EZH2: variants seen among roughly 807,000 people sequenced by gnomAD.
EZH2 encodes enhancer of zeste 2 polycomb repressive complex 2 subunit.
In EZH2, 18 loss-of-function variants were observed where a neutral mutation model predicts 98.4. That is an observed-to-expected ratio of 0.18 (90% CI 0.13 to 0.27). The LOEUF (loss-of-function observed/expected upper bound fraction) is 0.27, where lower values mean the gene tolerates loss of function less well. Among genes scored for constraint, EZH2 ranks in the 10% least tolerant of loss-of-function variants. The probability of loss-of-function intolerance (pLI) is 1.00; values close to 1 mark genes in which losing one functional copy is unlikely to be tolerated. For missense variants in EZH2, 470 were observed against 935.1 expected, an observed-to-expected ratio of 0.50 and a Z score of 6.49; for synonymous variants, 338 against 312.3, an observed-to-expected ratio of 1.08 and a Z score of -0.87.
chr7:148,855,171 A>C (rs577040623), intron 1 of EZH2, among the ~76,000 whole-genome samples: 1 of 152,230 alleles, frequency 6.6e-6, no homozygotes, highest in Non-Finnish European at 1.5e-5. Context: ...TTGTGTCCAT[A>C]AGGATTATTG....
intron 6 of EZH2, 105 bp from the exon 7 acceptor site, chr7:148,827,371 A>T (rs745673200): frequency 1.7e-5 from 13 of 771,478 alleles, no homozygotes; most frequent in Non-Finnish European, 2.7e-5. Flanking sequence ...TGATTTTCTA[A>T]GAAATCATCT....
At position 148,816,735 on chromosome 7, in the gene EZH2, G is replaced by A; in HGVS notation, c.1454C>T (p.Ala485Val). Reference sequence around the variant, plus strand: ...AGGAGTATCCACATCCTCAGCGGGAGCTGGAGCTATGATGCTAGATTCTTT... The same window carrying A: ...AGGAGTATCCACATCCTCAGCGGGAACTGGAGCTATGATGCTAGATTCTTT... Reference protein sequence around the residue: ...RVKESSIIAPAPAEDVDTPPR... With the variant: ...RVKESSIIAPVPAEDVDTPPR... Residue 485 changes from alanine (A) to valine (V), a missense_variant, in exon 12 of 20, where the codon GCT becomes GTT. Physicochemically the swap from Ala to Val is moderately conservative, Grantham distance 64. Coordinates refer to ENST00000320356, the MANE Select transcript of EZH2 (RefSeq NM_004456.5). 1.9e-6 allele frequency: 3 copies of A among 1,614,164 alleles called. No homozygotes were observed. The highest frequency in any genetic ancestry group is 2.5e-6 in the Non-Finnish European group (3 of 1,179,984).
At chr7:148,860,579 T>C (rs566463763) in intron 1 of EZH2, among the ~76,000 whole-genome samples, 1 of 152,376 alleles carries the variant, frequency 6.6e-6, no homozygotes, top group South Asian at 2.1e-4. Context: ...TTCAGCATTT[T>C]GGTCTCATGA....
At chr7:148,823,638 T>C (rs1231818543) in intron 8 of EZH2, among the ~76,000 whole-genome samples, 2 of 151,522 alleles carry the variant, frequency 1.3e-5, no homozygotes, top group Non-Finnish European at 2.9e-5. Flanking sequence ...GACTTTATTG[T>C]ACACATTTTC....
In EZH2 at chr7:148,833,466, A is replaced by AAAAT. The variant is rs1563257619; in HGVS notation, c.247-717_247-716insATTT. Among the ~76,000 whole-genome samples the AAAAT allele has an allele frequency of 7.0e-3, 223 of 31,886 alleles. 2 individuals carry two copies. The highest frequency in any genetic ancestry group is 0.026 in the Middle Eastern group (1 of 38). The allele number at this position is 31,886 out of a possible 152,430, so 20.9% of individuals were successfully genotyped here. On this transcript the variant is annotated intron_variant, in intron 3 of 19. Coordinates refer to ENST00000320356, the MANE Select transcript of EZH2 (RefSeq NM_004456.5). ...AGCGAAACTCCGTCTCAAAAAAAAA[A>AAAAT]AAAATAAAATAAAATAAAATAAAAA...
chr7:148,880,295 A>G (rs1820776003), intron 1 of EZH2, among the ~76,000 whole-genome samples: 1 of 152,210 alleles, frequency 6.6e-6, no homozygotes, highest in South Asian at 2.1e-4. Flanking sequence ...GCATCCCAAT[A>G]AATGATCCAA....
intron 1 of EZH2, among the ~76,000 whole-genome samples, chr7:148,867,170 T>C (rs914959486): frequency 1.3e-5 from 2 of 151,618 alleles, no homozygotes; most frequent in African/African-American, 4.8e-5. Flanking sequence ...CTACTAAAAA[T>C]ACAAAATTAG....
At chr7:148,831,571 G>A (rs534625401) in intron 4 of EZH2, among the ~76,000 whole-genome samples, 109 of 152,094 alleles carry the variant, frequency 7.2e-4, no homozygotes, top group Non-Finnish European at 1.2e-3. Flanking sequence ...ATAAATTAAT[G>A]ACAAATTTAA....
chr7:148,862,291 A>G (rs369053696), intron 1 of EZH2, among the ~76,000 whole-genome samples: 3 of 152,172 alleles, frequency 2.0e-5, no homozygotes, highest in Admixed American at 2.0e-4. Context: ...TCCTCATCTA[A>G]AAAGTACTGG....
At chr7:148,845,352 G>A (rs1813720372) in intron 3 of EZH2, among the ~76,000 whole-genome samples, 1 of 152,158 alleles carries the variant, frequency 6.6e-6, no homozygotes, top group Non-Finnish European at 1.5e-5. Context: ...CTAGGCTCTG[G>A]CCTGTACCAG....
At chr7:148,809,424 T>C (rs1187081363) in intron 17 of EZH2, 34 bp from the exon 18 acceptor site, 2 of 1,516,280 alleles carry the variant, frequency 1.3e-6, no homozygotes, top group Non-Finnish European at 1.8e-6. Flanking sequence ...GCCCAGTGAA[T>C]AATTTCAGTT....
intron 8 of EZH2, 74 bp from the exon 9 acceptor site, chr7:148,819,761 G>C: frequency 7.5e-7 from 1 of 1,325,494 alleles, no homozygotes. Flanking sequence ...AGTTCCACTG[G>C]AAAAGTCAAT....
At chr7:148,819,533 A>G in intron 9 of EZH2, 63 bp downstream of exon 9, 4 of 1,315,244 alleles carry the variant, frequency 3.0e-6, no homozygotes, top group Non-Finnish European at 4.4e-6. Context: ...TGACTTGATC[A>G]CCTCCACCAA....
At chr7:148,855,254 G>A (rs1816621159) in intron 1 of EZH2, among the ~76,000 whole-genome samples, 1 of 152,236 alleles carries the variant, frequency 6.6e-6, no homozygotes, top group Admixed American at 6.5e-5. Context: ...TTACACACAT[G>A]GGGCAAAGAA....
rs551379314 is a variant in EZH2, at chr7:148,808,787, G to A, written c.2195+284C>T. Among the ~76,000 whole-genome samples, 11 of 152,180 alleles carry A rather than the reference G, an allele frequency of 7.2e-5. No homozygotes were observed. In the South Asian group the frequency reaches 8.3e-4, roughly 12 times the overall value. On this transcript the variant is annotated intron_variant, in intron 19 of 19. Coordinates refer to ENST00000320356, the MANE Select transcript of EZH2 (RefSeq NM_004456.5). ...CTCCACGAGTGAGCATGCAGCATGC[G>A]GCATGATATGAGAAGGTCTAGGACT...
chr7:148,871,403 TAAAAAAAA>T (rs71529646), intron 1 of EZH2, among the ~76,000 whole-genome samples: 1,263 of 88,746 alleles, frequency 0.014, 27 homozygotes, highest in African/African-American at 0.053. Flanking sequence ...GACGAATAAT[TAAAAAAAA>T]AAAAAAAAAA....
intron 1 of EZH2, among the ~76,000 whole-genome samples, chr7:148,865,434 G>A (rs926867377): frequency 1.3e-5 from 2 of 152,110 alleles, no homozygotes; most frequent in African/African-American, 2.4e-5. Context: ...GACACTAAGC[G>A]TTTGCCTAAG....
At chr7:148,880,772 A>T (rs1034016801) in intron 1 of EZH2, among the ~76,000 whole-genome samples, 2 of 152,252 alleles carry the variant, frequency 1.3e-5, no homozygotes, top group African/African-American at 4.8e-5. Flanking sequence ...TCCTTAATTC[A>T]TTCAACTATA....
At chr7:148,824,113 A>C (rs1209378326) in intron 8 of EZH2, among the ~76,000 whole-genome samples, 1 of 149,376 alleles carries the variant, frequency 6.7e-6, no homozygotes, top group Admixed American at 6.7e-5. Flanking sequence ...TCAGGAGTTC[A>C]AGACCAGCCT....
Sources: gnomAD v4.1 joint callset for allele counts (sites outside exome capture counted in the v4.1 genomes callset) on GRCh38, gnomAD v4.1.1 for gene constraint, MANE v1.5 for transcripts, NCBI Gene and HGNC (gene_info 2026-07-23, HGNC 2026-07-21) for gene names.